The following PSMD7 variants were observed in gnomAD, a reference collection of about 807,000 sequenced individuals.
PSMD7 encodes the protein proteasome 26S subunit, non-ATPase 7.
Under a neutral mutation model 36.4 loss-of-function variants are expected in PSMD7, and 13 were observed. That is an observed-to-expected ratio of 0.36 (90% CI 0.23 to 0.57). PSMD7 has a LOEUF of 0.57. PSMD7 is among the 20% of genes least tolerant of loss of function. The pLI, the probability that PSMD7 is intolerant of heterozygous loss-of-function variation, is 0.83. For synonymous variants in PSMD7, 186 were observed against 151.0 expected, an observed-to-expected ratio of 1.23 and a Z score of -1.70; for missense variants, 298 against 393.6, an observed-to-expected ratio of 0.76 and a Z score of 2.06.
At chr16:74,301,436 A>G in intron 3 of PSMD7, 119 bp from the exon 4 acceptor site, 1 of 729,010 alleles carries the variant, frequency 1.4e-6, no homozygotes. Flanking sequence ...ACCAGGGTAA[A>G]TATGTCTGGA....
chr16:74,303,574 C>T (rs2034172566), intron 5 of PSMD7, among the ~76,000 whole-genome samples: 1 of 152,098 alleles, frequency 6.6e-6, no homozygotes, highest in South Asian at 2.1e-4. Flanking sequence ...TAATTCAGAC[C>T]ACCAGAAAGC....
At chr16:74,304,261 T>C (rs190286829) in intron 5 of PSMD7, 42 bp from the exon 6 acceptor site, 1 of 1,571,164 alleles carries the variant, frequency 6.4e-7, no homozygotes, top group East Asian at 2.2e-5. Flanking sequence ...TGTCAGTTCG[T>C]TTGTGGAAAA....
intron 5 of PSMD7, 183 bp from the exon 6 acceptor site, chr16:74,304,120 A>G (rs1175969291): frequency 7.1e-6 from 4 of 562,724 alleles, no homozygotes; most frequent in Non-Finnish European, 1.3e-5. Flanking sequence ...GCAGCACCAC[A>G]GTGATGTTAG....
intron 1 of PSMD7, chr16:74,299,534 T>C: frequency 2.2e-6 from 1 of 455,208 alleles, no homozygotes; most frequent in Non-Finnish European, 4.4e-6. Context: ...TACAGGCACA[T>C]CCCCACTATG....
chr16:74,302,216 T>C lies in PSMD7; in HGVS notation c.362T>C (p.Leu121Ser). ...LMKRYCPNSV[L>S]VIIDVKPKDL... ...TAAGATGTGTTTCTCTGCCAGGTAT[T>C]GGTCATCATTGATGTGAAGCCGAAG... The change falls in exon 5 of 7, where the codon TTG becomes TCG. Residue 121 changes from leucine to serine, a missense_variant. Transcript: ENST00000219313. 6.2e-7 allele frequency: 1 copy of C among 1,613,698 alleles called. No individual in the cohort carries two copies. Among genetic ancestry groups the C allele is most frequent in the Non-Finnish European group, 8.5e-7 (1 of 1,179,848 alleles).
rs1306626761 is a variant in PSMD7 at position 74,302,022 on chromosome 16, T to C, written c.358-190T>C. Among the ~76,000 whole-genome samples the C allele has an allele frequency of 2.6e-5, 4 of 152,224 alleles. No homozygotes were observed. The South Asian group carries it at 8.3e-4, about 32-fold the overall frequency. The stretch of plus-strand genomic sequence containing the variant: ...AGGCACTGTACTGCCCCTCAGCTTA[T>C]TAATGAAGGGGATCGAAAAGCAGAA... On this transcript the variant is annotated intron_variant, in intron 4 of 6. Coordinates refer to ENST00000219313, the MANE Select transcript of PSMD7 (RefSeq NM_002811.5).
Position 74,300,099 on chromosome 16 carries a change from C to G in PSMD7, c.75-16C>G. ...GTGCGAGCCTATCCACACTGACCAT[C>G]TGTTTTCTCATTCAGAATCGGCAAG... On this transcript the variant is annotated splice_polypyrimidine_tract_variant and intron_variant, in intron 1 of 6. Coordinates refer to ENST00000219313, the MANE Select transcript of PSMD7 (RefSeq NM_002811.5). The G allele has an allele frequency of 6.2e-7, 1 of 1,611,338 alleles. No individual in the cohort carries two copies.
At chr16:74,299,609 G>A (rs1203058382) in intron 1 of PSMD7, 18 of 452,996 alleles carry the variant, frequency 4.0e-5, no homozygotes, top group South Asian at 7.8e-5. Flanking sequence ...GCCCATGCTC[G>A]TCTCAAACTC....
At chr16:74,304,153 G>C in intron 5 of PSMD7, 150 bp from the exon 6 acceptor site, 1 of 647,652 alleles carries the variant, frequency 1.5e-6, no homozygotes, top group Admixed American at 2.6e-5. Flanking sequence ...AGCTTTCAAA[G>C]TAAGCCTTAC....
rs1306449664 is a variant in PSMD7, at chr16:74,305,931, C to T, written c.*198C>T. 8 of 471,380 alleles carry T rather than the reference C, an allele frequency of 1.7e-5. No homozygotes were observed. Among genetic ancestry groups the T allele is most frequent in the Non-Finnish European group, 6.8e-6 (2 of 294,974 alleles). 29.2% of individuals were successfully genotyped at this position (471,380 alleles called of 1,614,324 possible). ...GATCTCAAATCTGAACTGCAGCTTT[C>T]GCTGCTGTGAGTTGGGGATATGATA... is the stretch of plus-strand genomic sequence containing the variant. On this transcript the variant is annotated 3_prime_UTR_variant, in exon 7 of 7. Coordinates refer to ENST00000219313, the MANE Select transcript of PSMD7 (RefSeq NM_002811.5).
chr16:74,304,249 C>G (rs1017817689), intron 5 of PSMD7, 54 bp from the exon 6 acceptor site: 2 of 1,510,808 alleles, frequency 1.3e-6, no homozygotes, highest in African/African-American at 2.8e-5. Context: ...AAAAGGAACA[C>G]ATGTCAGTTC....
At chr16:74,301,724 G>C (rs955817348) in intron 4 of PSMD7, 72 bp downstream of exon 4, 1 of 1,271,068 alleles carries the variant, frequency 7.9e-7, no homozygotes, top group African/African-American at 1.5e-5. Context: ...AGCATCCTGG[G>C]AAGAATTTGA....
chr16:74,301,014 A>G (rs759055013), intron 2 of PSMD7, 38 bp from the exon 3 acceptor site: 9 of 1,322,810 alleles, frequency 6.8e-6, no homozygotes, highest in Middle Eastern at 1.8e-4. Flanking sequence ...CTAGGTTTCT[A>G]TCAAGCACCC....
At chr16:74,301,906 A>C (rs940800014) in intron 4 of PSMD7, among the ~76,000 whole-genome samples, 8 of 152,186 alleles carry the variant, frequency 5.3e-5, no homozygotes, top group Non-Finnish European at 7.3e-5. Flanking sequence ...TACAAATGAG[A>C]AAACTGAGGT....
intron 1 of PSMD7, among the ~76,000 whole-genome samples, chr16:74,298,160 A>C (rs76131024): frequency 6.7e-6 from 1 of 150,306 alleles, no homozygotes; most frequent in Non-Finnish European, 1.5e-5. Flanking sequence ...TGTCTCCAAA[A>C]AAAAAAAAAA....
At chr16:74,303,583 G>A (rs2034172624) in intron 5 of PSMD7, among the ~76,000 whole-genome samples, 1 of 152,108 alleles carries the variant, frequency 6.6e-6, no homozygotes, top group Non-Finnish European at 1.5e-5. Context: ...CCACCAGAAA[G>A]CCAACTATTC....
chr16:74,298,796 T>C (rs1034799143), intron 1 of PSMD7, among the ~76,000 whole-genome samples: 1 of 152,122 alleles, frequency 6.6e-6, no homozygotes, highest in Non-Finnish European at 1.5e-5. Flanking sequence ...ATCACTTGAA[T>C]CTGAGAGGTA....
intron 5 of PSMD7, among the ~76,000 whole-genome samples, chr16:74,303,602 T>C (rs757223251): frequency 1.3e-5 from 2 of 152,162 alleles, no homozygotes; most frequent in South Asian, 2.1e-4. Flanking sequence ...TCTGATTGCA[T>C]TGGTTTGGGC....
intron 1 of PSMD7, chr16:74,299,829 T>G: frequency 4.1e-6 from 2 of 488,532 alleles, no homozygotes; most frequent in Non-Finnish European, 7.4e-6. Flanking sequence ...CTGGGAAGCT[T>G]TCATTTTCTT....
Sources: gnomAD v4.1 joint callset for allele counts (sites outside exome capture counted in the v4.1 genomes callset) on GRCh38, gnomAD v4.1.1 for gene constraint, MANE v1.5 for transcripts, NCBI Gene and HGNC (gene_info 2026-07-23, HGNC 2026-07-21) for gene names.